ZNF638: variants seen among roughly 807,000 people sequenced by gnomAD.
ZNF638 encodes the protein zinc finger protein 638.
A neutral mutation model predicts 195.6 loss-of-function variants in ZNF638; 46 were observed. The observed-to-expected ratio is 0.24, with a 90% CI of 0.19 to 0.30. The LOEUF (loss-of-function observed/expected upper bound fraction) is 0.30, where lower values mean the gene tolerates loss of function less well. Ranked by LOEUF, ZNF638 falls within the 10% of genes least tolerant of loss-of-function variation. The probability of loss-of-function intolerance (pLI) is 1.00; values close to 1 mark genes in which losing one functional copy is unlikely to be tolerated. For missense variants in ZNF638, 2,440 were observed against 2,325.3 expected, an observed-to-expected ratio of 1.05 and a Z score of -1.01; for synonymous variants, 845 against 772.0, an observed-to-expected ratio of 1.09 and a Z score of -1.57.
rs72839787 is a variant in ZNF638 at position 71,347,385 on chromosome 2, G to T, written c.-202-1368G>T. On this transcript the variant is annotated intron_variant, in intron 1 of 27. Transcript: ENST00000264447. ...GCATGCAAAATGATTGGAGGGAAGG[G>T]TGTTAACCAGATAAAGACCATTTTC... Among the ~76,000 whole-genome samples, 5 of 151,830 alleles carry T rather than the reference G, an allele frequency of 3.3e-5. No homozygotes were observed. The East Asian group carries it at 5.8e-4, about 18-fold the overall frequency.
intron 8 of ZNF638, 37 bp downstream of exon 8, chr2:71,370,042 T>C: frequency 1.3e-6 from 2 of 1,578,964 alleles, no homozygotes; most frequent in Non-Finnish European, 1.7e-6. Context: ...TTTATCACTG[T>C]TGTTTTAGTT....
intron 20 of ZNF638, among the ~76,000 whole-genome samples, chr2:71,417,676 C>G (rs1476772077): frequency 1.4e-5 from 2 of 145,012 alleles, no homozygotes; most frequent in Non-Finnish European, 3.0e-5. Flanking sequence ...TTTTTTTTCT[C>G]TCTAATAAAC....
intron 22 of ZNF638, 87 bp from the exon 23 acceptor site, chr2:71,424,563 T>G (rs1469463185): frequency 9.0e-7 from 1 of 1,109,322 alleles, no homozygotes; most frequent in Non-Finnish European, 1.3e-6. Context: ...TGTTTACTGT[T>G]TTTTTTTGTT....
chr2:71,377,210 G>A (rs1403008481), intron 8 of ZNF638, among the ~76,000 whole-genome samples: 1 of 152,106 alleles, frequency 6.6e-6, no homozygotes, highest in Non-Finnish European at 1.5e-5. Context: ...GGTTGGCTGG[G>A]TGACGGAGTG....
intron 25 of ZNF638, 62 bp downstream of exon 25, chr2:71,428,713 T>C (rs2152607477): frequency 7.1e-7 from 1 of 1,404,984 alleles, no homozygotes; most frequent in East Asian, 2.3e-5. Flanking sequence ...AGTTGAAGTT[T>C]AAAGATCTAT....
At chr2:71,338,252 A>G (rs1470926602) in intron 1 of ZNF638, among the ~76,000 whole-genome samples, 1 of 152,190 alleles carries the variant, frequency 6.6e-6, no homozygotes, top group Non-Finnish European at 1.5e-5. Flanking sequence ...ATCCTTTACT[A>G]TGATGGTTGC....
chr2:71,402,609 A>G (rs2080029254), intron 16 of ZNF638, among the ~76,000 whole-genome samples: 1 of 152,146 alleles, frequency 6.6e-6, no homozygotes, highest in Non-Finnish European at 1.5e-5. Flanking sequence ...TCAGACTCAG[A>G]CTAATGATGT....
chr2:71,345,574 G>T (rs545624034), intron 1 of ZNF638, among the ~76,000 whole-genome samples: 29 of 152,182 alleles, frequency 1.9e-4, no homozygotes, highest in African/African-American at 6.7e-4. Context: ...TAGAGATGAG[G>T]TCTCACCATG....
Position 71,363,983 on chromosome 2 carries a change from C to G in ZNF638, c.1448C>G (p.Thr483Ser), listed in dbSNP as rs2079152758. 1 of 1,613,248 alleles carries G rather than the reference C, an allele frequency of 6.2e-7. No individual in the cohort carries two copies. The highest frequency in any genetic ancestry group is 8.5e-7 in the Non-Finnish European group (1 of 1,179,710). The change falls in exon 5 of 28, where the codon ACT becomes AGT. Residue 483 changes from threonine (T) to serine (S), a missense_variant. Thr to Ser is a moderately conservative substitution (Grantham distance 58, BLOSUM62 1). Around this residue, in one of 5 missense-constraint regions of ZNF638, gnomAD observed 1,883 missense variants for 1,739.1 expected, o/e 1.08. Transcript: ENST00000264447. ...GAGGGCAATAGAAAAGAAAATGAAACTCCACGAAGACGTTCTCATTCCCCC... is the reference window on the plus strand; with the variant it reads ...GAGGGCAATAGAAAAGAAAATGAAAGTCCACGAAGACGTTCTCATTCCCCC... ...RNEGNRKENETPRRRSHSPSP... is the reference protein window; with the variant it reads ...RNEGNRKENESPRRRSHSPSP...
chr2:71,419,190 G>A (rs1350080828), intron 21 of ZNF638, among the ~76,000 whole-genome samples: 2 of 152,096 alleles, frequency 1.3e-5, no homozygotes, highest in African/African-American at 4.8e-5. Flanking sequence ...TTTTGACCAC[G>A]TAAAGTACAC....
intron 12 of ZNF638, 82 bp from the exon 13 acceptor site, chr2:71,399,477 T>G: frequency 1.1e-6 from 1 of 927,420 alleles, no homozygotes; most frequent in East Asian, 2.7e-5. Context: ...AAAGTCAAAC[T>G]AATTTACTAA....
intron 11 of ZNF638, among the ~76,000 whole-genome samples, chr2:71,397,381 C>T (rs767931255): frequency 3.9e-5 from 6 of 152,156 alleles, no homozygotes; most frequent in Non-Finnish European, 7.4e-5. Context: ...TGACAAGTTA[C>T]GTGACAAGCT....
chr2:71,370,175 T>A (rs1291464631), intron 8 of ZNF638, among the ~76,000 whole-genome samples, 170 bp downstream of exon 8: 1 of 152,240 alleles, frequency 6.6e-6, no homozygotes, highest in Non-Finnish European at 1.5e-5. Flanking sequence ...CATACATGTA[T>A]GGTGCTATAT....
chr2:71,421,119 G>A (rs1410642281), intron 21 of ZNF638, among the ~76,000 whole-genome samples: 1 of 152,130 alleles, frequency 6.6e-6, no homozygotes, highest in Admixed American at 6.5e-5. Context: ...AAAGTTTTAT[G>A]TAGGGTTAAT....
intron 2 of ZNF638, among the ~76,000 whole-genome samples, chr2:71,355,127 C>T (rs1203096839): frequency 6.6e-6 from 1 of 152,042 alleles, no homozygotes; most frequent in African/African-American, 2.4e-5. Context: ...CGCCACAACG[C>T]CTGGCTAATT....
intron 20 of ZNF638, among the ~76,000 whole-genome samples, chr2:71,417,469 A>C (rs2080323930): frequency 6.6e-6 from 1 of 152,104 alleles, no homozygotes; most frequent in South Asian, 2.1e-4. Context: ...TGTAGACCGG[A>C]GCTGTTCCTA....
intron 1 of ZNF638, among the ~76,000 whole-genome samples, chr2:71,343,551 G>A (rs1304526935): frequency 6.6e-6 from 1 of 152,140 alleles, no homozygotes; most frequent in Non-Finnish European, 1.5e-5. Flanking sequence ...GGAAGTGATC[G>A]AGTAGAAGGC....
At chr2:71,404,324 C>T (rs1313674257) in intron 17 of ZNF638, among the ~76,000 whole-genome samples, 16 of 152,092 alleles carry the variant, frequency 1.1e-4, no homozygotes, top group African/African-American at 3.1e-4. Context: ...TTTTTTCTCT[C>T]ATTTCTTAAA....
At chr2:71,348,134 A>T (rs571598905) in intron 1 of ZNF638, among the ~76,000 whole-genome samples, 1 of 152,380 alleles carries the variant, frequency 6.6e-6, no homozygotes, top group Admixed American at 6.5e-5. Flanking sequence ...GTTCTATGTT[A>T]TAACGAATTC....
Sources: gnomAD v4.1 joint callset for allele counts (sites outside exome capture counted in the v4.1 genomes callset) on GRCh38, gnomAD v4.1.1 for gene constraint, gnomAD v4.1.1 regional missense constraint, MANE v1.5 for transcripts, NCBI Gene and HGNC (gene_info 2026-07-23, HGNC 2026-07-21) for gene names.